The following ZNF208 variants were observed in gnomAD, a reference collection of about 807,000 sequenced individuals.
ZNF208 encodes zinc finger protein 208, also known as zinc finger protein 95.
ZNF208 carries 10 observed loss-of-function variants against 12.1 expected under a neutral mutation model. The observed-to-expected ratio is 0.83, with a 90% CI of 0.51 to 1.40. ZNF208 has a LOEUF of 1.40. Among genes scored for constraint, ZNF208 ranks in the 40% most tolerant of loss-of-function variants. The pLI is 0.00. For synonymous variants in ZNF208, 497 were observed against 488.4 expected, an observed-to-expected ratio of 1.02 and a Z score of -0.23; for missense variants, 1,652 against 1,485.0, an observed-to-expected ratio of 1.11 and a Z score of -1.85.
Position 22,010,938 on chromosome 19 carries a change from C to T in ZNF208, c.-144G>A. Reference sequence around the variant, plus strand: ...CTTGACCTCCGGCTGCAGCGAGAGACAAAGGACCGACCACATCCCGGAAGC... The same window carrying T: ...CTTGACCTCCGGCTGCAGCGAGAGATAAAGGACCGACCACATCCCGGAAGC... On this transcript the variant is annotated 5_prime_UTR_variant, in exon 1 of 4. Coordinates refer to ENST00000397126, the MANE Select transcript of ZNF208 (RefSeq NM_007153.3). 7 of 1,254,230 alleles carry T rather than the reference C, an allele frequency of 5.6e-6. No homozygotes were observed. In the East Asian group the frequency reaches 1.6e-4, roughly 29 times the overall value. 77.7% of individuals were successfully genotyped at this position (1,254,230 alleles called of 1,614,324 possible).
At chr19:21,952,521 C>G (rs754924411) in intron 4 of ZNF208, among the ~76,000 whole-genome samples, 1 of 152,166 alleles carries the variant, frequency 6.6e-6, no homozygotes, top group African/African-American at 2.4e-5. Context: ...CTGGTGATAC[C>G]CAGGCACTCA....
intron 3 of ZNF208, among the ~76,000 whole-genome samples, chr19:21,984,561 AAAAC>A (rs777128656): frequency 1.3e-4 from 20 of 151,788 alleles, no homozygotes; most frequent in Non-Finnish European, 2.5e-4. Context: ...CAAAAAAACA[AAAAC>A]AAACAAACAA....
intron 3 of ZNF208, 113 bp downstream of exon 3, chr19:21,987,103 T>A: frequency 9.5e-7 from 1 of 1,053,940 alleles, no homozygotes; most frequent in Non-Finnish European, 1.3e-6. Context: ...TAAAAATTAG[T>A]CTCTCCAGAA....
Position 21,971,085 on chromosome 19 carries a change from C to G in ZNF208, c.*106G>C. On this transcript the variant is annotated 3_prime_UTR_variant, in exon 4 of 4. Transcript: ENST00000397126. ...ATAAGGTTTGAGGACCAGTTGAAAG[C>G]CTCACCACATTCTTCACATTTGTAG... 6.2e-7 allele frequency: 1 copy of G among 1,613,010 alleles called. No homozygotes were observed.
chr19:22,004,516 CCAAA>C (rs938061632), intron 1 of ZNF208, among the ~76,000 whole-genome samples: 16 of 151,916 alleles, frequency 1.1e-4, no homozygotes, highest in African/African-American at 3.4e-4. Context: ...CCATCTCAAA[CCAAA>C]CAAACAAACA....
chr19:22,010,649 C>G (rs2040654), intron 1 of ZNF208, 143 bp downstream of exon 1: 1,175,236 of 1,261,724 alleles, frequency 0.93, 548,247 homozygotes, highest in African/African-American at 0.99. Context: ...ATGGCTGAAC[C>G]GGACTGAGGT....
intron 4 of ZNF208, among the ~76,000 whole-genome samples, chr19:21,954,746 T>A (rs995783462): frequency 2.6e-5 from 4 of 152,184 alleles, no homozygotes; most frequent in African/African-American, 9.7e-5. Context: ...GTGAGATGGG[T>A]TTCCTGAATA....
At chr19:21,976,422 G>A (rs1970431441) in intron 3 of ZNF208, among the ~76,000 whole-genome samples, 2 of 151,844 alleles carry the variant, frequency 1.3e-5, no homozygotes, top group Non-Finnish European at 2.9e-5. Context: ...CAGAAACAAA[G>A]GAAGACAGAA....
intron 4 of ZNF208, among the ~76,000 whole-genome samples, chr19:21,942,054 A>T (rs1300176061): frequency 1.3e-5 from 2 of 152,140 alleles, no homozygotes; most frequent in African/African-American, 4.8e-5. Context: ...ATTGTTTTTT[A>T]AAAAAATGTC....
chr19:21,952,885 T>A (rs1374812554), intron 4 of ZNF208, among the ~76,000 whole-genome samples: 3 of 152,104 alleles, frequency 2.0e-5, no homozygotes, highest in African/African-American at 7.2e-5. Flanking sequence ...TAAAGGAGCA[T>A]GTTCAAAACA....
At chr19:21,986,925 A>T (rs1970637030) in intron 3 of ZNF208, 1 of 414,916 alleles carries the variant, frequency 2.4e-6, no homozygotes, top group Non-Finnish European at 4.2e-6. Context: ...GTGTCCACAA[A>T]AACAAACAAA....
intron 4 of ZNF208, among the ~76,000 whole-genome samples, chr19:21,958,396 T>G (rs1321475477): frequency 6.6e-6 from 1 of 152,200 alleles, no homozygotes; most frequent in Non-Finnish European, 1.5e-5. Flanking sequence ...AAGCAATTAT[T>G]CTGCAAATCT....
chr19:21,960,968 AAT>A (rs1258556516), intron 4 of ZNF208, among the ~76,000 whole-genome samples: 3 of 147,792 alleles, frequency 2.0e-5, no homozygotes, highest in African/African-American at 8.0e-5. Context: ...CCACTTAATA[AAT>A]AGTGATTCCT....
downstream of ZNF208, among the ~76,000 whole-genome samples, chr19:21,964,242 C>T (rs192075247): frequency 7.9e-5 from 12 of 151,888 alleles, no homozygotes; most frequent in South Asian, 1.5e-3. Flanking sequence ...CACATATATA[C>T]ATTTTATTTC....
chr19:22,000,007 A>G (rs1351535373), intron 1 of ZNF208, among the ~76,000 whole-genome samples: 1 of 152,172 alleles, frequency 6.6e-6, no homozygotes, highest in Non-Finnish European at 1.5e-5. Context: ...TATGGGGGGA[A>G]AAGCAGAAGA....
chr19:21,972,766 T>A lies in ZNF208; in HGVS notation c.2268A>T (p.Lys756Asn), dbSNP rs377119241. 1.3e-4 allele frequency: 215 copies of A among 1,611,822 alleles called. 1 individual carries two copies. In the East Asian group the frequency reaches 3.6e-3, roughly 27 times the overall value. Reference protein sequence around the residue: ...EKPYKCEECGKAYKWSSTLSY... With the variant: ...EKPYKCEECGNAYKWSSTLSY... ...TAAGGGTTGAGGACCACTTATAGGCTTTGCCACATTCTTCACATTTGTAGG... is the reference window on the plus strand; with the variant it reads ...TAAGGGTTGAGGACCACTTATAGGCATTGCCACATTCTTCACATTTGTAGG... Residue 756 changes from lysine to asparagine, a missense_variant, in exon 4 of 4, where the codon AAA becomes AAT. Lys to Asn is a moderately conservative substitution (Grantham distance 94). Coordinates refer to ENST00000397126, the MANE Select transcript of ZNF208 (RefSeq NM_007153.3).
At chr19:21,948,292 G>A (rs537815909) in intron 4 of ZNF208, among the ~76,000 whole-genome samples, 6 of 152,264 alleles carry the variant, frequency 3.9e-5, no homozygotes, top group Non-Finnish European at 7.3e-5. Flanking sequence ...GCTTTCTAAG[G>A]GAAGTATTAA....
intron 4 of ZNF208, among the ~76,000 whole-genome samples, chr19:21,953,416 G>T (rs915459815): frequency 2.2e-5 from 3 of 138,848 alleles, no homozygotes; most frequent in African/African-American, 8.2e-5. Context: ...AGCCAGAAAG[G>T]TCAGGTTACC....
At chr19:21,961,345 C>T (rs1347333613), downstream of ZNF208, among the ~76,000 whole-genome samples, 2 of 152,076 alleles carry the variant, frequency 1.3e-5, no homozygotes, top group African/African-American at 4.8e-5. Context: ...AGATCACATG[C>T]TTCAAAGGGC....
Sources: gnomAD v4.1 joint callset for allele counts (sites outside exome capture counted in the v4.1 genomes callset) on GRCh38, gnomAD v4.1.1 for gene constraint, MANE v1.5 for transcripts, NCBI Gene and HGNC (gene_info 2026-07-23, HGNC 2026-07-21) for gene names.